Variants in ITGB5 observed in about 807,000 individuals in gnomAD.
ITGB5 encodes the protein integrin subunit beta 5, also known as integrin beta-5.
In ITGB5, 38 loss-of-function variants were observed where a neutral mutation model predicts 84.8. The ratio of observed to expected loss-of-function variants is 0.45; its 90% CI spans 0.35 to 0.59. The LOEUF is 0.59. Among genes scored for constraint, ITGB5 ranks in the 20% least tolerant of loss-of-function variants. The probability of loss-of-function intolerance (pLI) is 0.01; values close to 1 mark genes in which losing one functional copy is unlikely to be tolerated. For synonymous variants in ITGB5, 393 were observed against 414.4 expected (o/e 0.95, Z 0.63); for missense variants, 905 against 1,034.5 (o/e 0.87, Z 1.72).
chr3:124,796,260 G>T (rs983733970), intron 10 of ITGB5, 128 bp downstream of exon 10: 19 of 873,786 alleles, frequency 2.2e-5, no homozygotes, highest in Non-Finnish European at 3.4e-5. Context: ...CTTGCCCACT[G>T]TCTTCTCCAA....
At chr3:124,890,226 C>T (rs1312579055), upstream of ITGB5, among the ~76,000 whole-genome samples, 2 of 112,890 alleles carry the variant, frequency 1.8e-5, no homozygotes, top group East Asian at 2.8e-4. Context: ...TTTTTGGAGA[C>T]GGAGTCTCGC....
At chr3:124,766,187 G>C in intron 13 of ITGB5, 39 bp downstream of exon 13, 1 of 1,599,946 alleles carries the variant, frequency 6.3e-7, no homozygotes, top group Non-Finnish European at 8.5e-7. Context: ...AGAACTGAGG[G>C]CTGGCTGAGT....
intron 6 of ITGB5, among the ~76,000 whole-genome samples, chr3:124,820,693 G>C (rs1175507194): frequency 6.6e-6 from 1 of 152,212 alleles, no homozygotes; most frequent in African/African-American, 2.4e-5. Flanking sequence ...GAGTATGCAA[G>C]ATCTTGATCA....
Position 124,798,418 on chromosome 3 carries a change from T to G in ITGB5, c.1264-1601A>C, listed in dbSNP as rs543732618. On this transcript the variant is annotated intron_variant, in intron 9 of 14. Coordinates refer to ENST00000296181, the MANE Select transcript of ITGB5 (RefSeq NM_002213.5). ...TGGACAATCTTCAGGTAACAATGTTTTTGTTGTTGTTGTTGTTGTTTGAGA... is the reference window on the plus strand; with the variant it reads ...TGGACAATCTTCAGGTAACAATGTTGTTGTTGTTGTTGTTGTTGTTTGAGA... 2.0e-5 allele frequency among the ~76,000 whole-genome samples: 3 copies of G among 151,630 alleles called. No individual in the cohort carries two copies. The East Asian group carries it at 5.8e-4, about 30-fold the overall frequency.
At position 124,766,232 on chromosome 3, in the gene ITGB5, C is replaced by A. The variant is rs149090091; in HGVS notation, c.2131G>T (p.Glu711Ter). The change falls in exon 13 of 15, where the codon GAG becomes TAG. Residue 711 changes from glutamate (E) to a stop codon, truncating the protein, a stop_gained. Coordinates refer to ENST00000296181, the MANE Select transcript of ITGB5 (RefSeq NM_002213.5). LOFTEE classifies it high-confidence loss of function. ...CCTTGCAGCCCTCACCTACCTGGCT[C>A]CCTGAGGACGGTCAGGTTGGACTTC... The part of the protein sequence containing the change: ...SGKSNLTVLR[E>*]PECGNTPNAM... The A allele has an allele frequency of 6.2e-6, 10 of 1,613,592 alleles. No individual in the cohort carries two copies. Among genetic ancestry groups the A allele is most frequent in the Non-Finnish European group, 8.5e-6 (10 of 1,179,894 alleles).
At chr3:124,774,980 A>T (rs1191005333) in intron 10 of ITGB5, among the ~76,000 whole-genome samples, 1 of 152,196 alleles carries the variant, frequency 6.6e-6, no homozygotes, top group Non-Finnish European at 1.5e-5. Context: ...CAGAGCCAGG[A>T]CTCAAACCCA....
intron 5 of ITGB5, among the ~76,000 whole-genome samples, chr3:124,831,579 GC>G (rs1231395507): frequency 1.3e-5 from 2 of 152,194 alleles, no homozygotes; most frequent in Non-Finnish European, 2.9e-5. Flanking sequence ...CACAAGTGGG[GC>G]CTGCCTGAAC....
At chr3:124,797,834 C>A (rs1296195037) in intron 9 of ITGB5, among the ~76,000 whole-genome samples, 1 of 152,044 alleles carries the variant, frequency 6.6e-6, no homozygotes, top group Admixed American at 6.5e-5. Flanking sequence ...GCCAGTGTGC[C>A]CTGATGAAAT....
At chr3:124,770,644 G>A (rs928399150) in intron 11 of ITGB5, among the ~76,000 whole-genome samples, 24 of 152,172 alleles carry the variant, frequency 1.6e-4, no homozygotes, top group African/African-American at 5.8e-4. Context: ...AGGTTCTGCA[G>A]CCAGGTGCCC....
intron 13 of ITGB5, 149 bp downstream of exon 13, chr3:124,766,076 AG>A (rs369565378): frequency 1.4e-4 from 105 of 758,258 alleles, no homozygotes; most frequent in Admixed American, 5.8e-4. Flanking sequence ...AAAAAAAAAA[AG>A]AAAAAGAAGA....
chr3:124,773,777 CAG>C lies in ITGB5; in HGVS notation c.1827_1828del (p.Cys610TrpfsTer16). 1 of 1,613,598 alleles carries C rather than the reference CAG, an allele frequency of 6.2e-7. No homozygotes were observed. Among genetic ancestry groups the C allele is most frequent in the Non-Finnish European group, 8.5e-7 (1 of 1,180,034 alleles). ...CGGCTCCGTGCATTGGCACTGCCCA[CAG>C]AGACAGTGCCCACGCTCGCTGCAGA... On this transcript the variant is annotated frameshift_variant, in exon 11 of 15. Coordinates refer to ENST00000296181, the MANE Select transcript of ITGB5 (RefSeq NM_002213.5). LOFTEE classifies it high-confidence loss of function.
chr3:124,858,473 C>T (rs998894189), intron 3 of ITGB5, among the ~76,000 whole-genome samples: 2 of 152,132 alleles, frequency 1.3e-5, no homozygotes, highest in East Asian at 3.9e-4. Flanking sequence ...TTCACAAGAG[C>T]CAAAAGTTGA....
intron 3 of ITGB5, among the ~76,000 whole-genome samples, chr3:124,851,142 C>T (rs1044721984): frequency 3.9e-5 from 6 of 152,056 alleles, no homozygotes; most frequent in South Asian, 2.1e-4. Flanking sequence ...GCTTGGATTC[C>T]GGGAGGCTGA....
chr3:124,887,925 T>C (rs563040356), upstream of ITGB5: 35 of 238,722 alleles, frequency 1.5e-4, no homozygotes, highest in East Asian at 2.6e-4. Flanking sequence ...CTTTTCTTTT[T>C]TTTTTTTTTT....
At chr3:124,891,262 T>C (rs1221419252), upstream of ITGB5, among the ~76,000 whole-genome samples, 1 of 152,182 alleles carries the variant, frequency 6.6e-6, no homozygotes, top group Non-Finnish European at 1.5e-5. Context: ...CAGATACCTG[T>C]ACACCAAGGT....
chr3:124,789,446 C>T (rs1283529279), intron 10 of ITGB5, among the ~76,000 whole-genome samples: 2 of 129,720 alleles, frequency 1.5e-5, no homozygotes, highest in Non-Finnish European at 3.3e-5. Context: ...TTATCAGAAC[C>T]GCCTCTGACT....
chr3:124,789,352 TCAGAACTGCCTTTAACTAGACAGGGTTAA>T (rs2064124458), intron 10 of ITGB5, among the ~76,000 whole-genome samples: 10 of 151,044 alleles, frequency 6.6e-5, no homozygotes, highest in Admixed American at 3.3e-4. Context: ...GACAGGGTTA[TCAGAACTGCCTTTAACTAGACAGGGTTAA>T]CAGAACCGCC....
At chr3:124,768,957 C>A in intron 12 of ITGB5, 56 bp downstream of exon 12, 1 of 1,417,338 alleles carries the variant, frequency 7.1e-7, no homozygotes. Flanking sequence ...TAAAACTACC[C>A]TCCTCCCCAG....
intron 10 of ITGB5, chr3:124,792,951 C>T (rs2064170448): frequency 6.6e-6 from 1 of 152,112 alleles, no homozygotes; most frequent in Admixed American, 6.6e-5. Context: ...CTGAGGGCCT[C>T]TCATACCCCA....
Sources: allele counts gnomAD v4.1 joint callset (sites outside exome capture counted in the v4.1 genomes callset), GRCh38; gene constraint gnomAD v4.1.1; transcripts MANE v1.5; gene names NCBI Gene and HGNC (gene_info 2026-07-23, HGNC 2026-07-21).